The following TAOK1 variants were observed in gnomAD, a reference collection of about 807,000 sequenced individuals.
TAOK1 encodes serine/threonine-protein kinase TAO1.
In TAOK1, 21 loss-of-function variants were observed where a neutral mutation model predicts 138.3. That is an observed-to-expected ratio of 0.15 (90% CI 0.11 to 0.22). The LOEUF is 0.22. Among genes scored for constraint, TAOK1 ranks in the 10% least tolerant of loss-of-function variants. TAOK1 has a pLI of 1.00. For missense variants in TAOK1, 651 were observed against 1,227.7 expected, an observed-to-expected ratio of 0.53 and a Z score of 7.02; for synonymous variants, 361 against 398.4, an observed-to-expected ratio of 0.91 and a Z score of 1.12.
chr17:29,535,563 A>G lies in TAOK1; in HGVS notation c.2544+1263A>G, dbSNP rs2032207484. 2.6e-5 allele frequency among the ~76,000 whole-genome samples: 4 copies of G among 152,208 alleles called. No homozygotes were observed. In the South Asian group the frequency reaches 8.3e-4, roughly 32 times the overall value. On this transcript the variant is annotated intron_variant, in intron 19 of 19. Transcript: ENST00000261716. The stretch of plus-strand genomic sequence containing the variant: ...ATAGAATGCCTTATTAAAGTAAAAA[A>G]TATCTTTTAAACCAGGTGTTGTGGC...
chr17:29,533,200 A>C (rs2032158957), intron 18 of TAOK1, among the ~76,000 whole-genome samples: 1 of 139,920 alleles, frequency 7.1e-6, no homozygotes, highest in Non-Finnish European at 1.5e-5. Flanking sequence ...CACATCCCAG[A>C]TGGGGTGGCG....
intron 13 of TAOK1, among the ~76,000 whole-genome samples, chr17:29,506,029 T>C (rs980729578): frequency 6.6e-6 from 1 of 152,170 alleles, no homozygotes; most frequent in Non-Finnish European, 1.5e-5. Flanking sequence ...CCTAAATTAG[T>C]ATGGCCATTT....
intron 17 of TAOK1, among the ~76,000 whole-genome samples, chr17:29,527,503 G>C (rs1469176524): frequency 6.6e-6 from 1 of 152,052 alleles, no homozygotes; most frequent in Non-Finnish European, 1.5e-5. Context: ...GCTAAACTAA[G>C]AGTTTCTCTT....
rs2030976929 is a variant in TAOK1, at chr17:29,477,702, A to G, written c.348A>G (p.Leu116=). 1 of 1,410,320 alleles carries G rather than the reference A, an allele frequency of 7.1e-7. No homozygotes were observed. Among genetic ancestry groups the G allele is most frequent in the African/African-American group, 1.5e-5 (1 of 68,784 alleles). The allele number at this position is 1,410,320 out of a possible 1,614,324, so 87.4% of individuals were successfully genotyped here. Residue 116 remains leucine, a synonymous_variant, in exon 5 of 20, where the codon CTA becomes CTG. Coordinates refer to ENST00000261716, the MANE Select transcript of TAOK1 (RefSeq NM_020791.4). ...GTTTAGGATCTGCTTCGGATTTACT[A>G]GAAGGTAAGTTCCCTTTGATTATTT... is the stretch of plus-strand genomic sequence containing the variant. ...EYCLGSASDL[L]EVHKKPLQEV... is the part of the protein sequence containing the mutation.
chr17:29,542,613 G>A lies in TAOK1; in HGVS notation c.2597G>A (p.Ser866Asn), dbSNP rs1228585720. 1.7e-5 allele frequency: 27 copies of A among 1,614,188 alleles called. No individual in the cohort carries two copies. Among genetic ancestry groups the A allele is most frequent in the Non-Finnish European group, 2.1e-5 (25 of 1,180,016 alleles). ...AATGAGCGCACAGAACGAATACGAA[G>A]CCTGTTGGAACGTCAAGCCAGAGAG... ...LQNERTERIR[S>N]LLERQAREIE... The change falls in exon 20 of 20, where the codon AGC (serine) becomes AAC (asparagine). Residue 866 changes from serine to asparagine, a missense_variant. Ser to Asn is a conservative substitution (Grantham distance 46). Coordinates refer to ENST00000261716, the MANE Select transcript of TAOK1 (RefSeq NM_020791.4).
At chr17:29,539,856 G>T (rs142216432) in intron 19 of TAOK1, among the ~76,000 whole-genome samples, 1 of 152,078 alleles carries the variant, frequency 6.6e-6, no homozygotes, top group Non-Finnish European at 1.5e-5. Context: ...CTCCAGCCTG[G>T]GTGACAGAGC....
At chr17:29,394,392 C>T (rs1337757217) in intron 1 of TAOK1, among the ~76,000 whole-genome samples, 1 of 151,876 alleles carries the variant, frequency 6.6e-6, no homozygotes, top group Non-Finnish European at 1.5e-5. Context: ...GTCTCGATCT[C>T]CTGACCTTGT....
intron 3 of TAOK1, among the ~76,000 whole-genome samples, chr17:29,469,921 C>T (rs533801248): frequency 1.3e-5 from 2 of 152,214 alleles, no homozygotes; most frequent in East Asian, 3.9e-4. Context: ...CCACATTTTA[C>T]ACAAAACACC....
At chr17:29,462,830 CTA>C (rs2030560799) in intron 2 of TAOK1, among the ~76,000 whole-genome samples, 1 of 152,158 alleles carries the variant, frequency 6.6e-6, no homozygotes, top group Non-Finnish European at 1.5e-5. Flanking sequence ...CTCTCTCTGA[CTA>C]TTTCTGTTCC....
chr17:29,425,193 C>T lies in TAOK1; in HGVS notation c.-94-26262C>T, dbSNP rs186209170. ...CAAGGGATTCTCCTGCCTCAGCTTTCCCAGTAGCTGGGATTACAGACACAC... is the reference window on the plus strand; with the variant it reads ...CAAGGGATTCTCCTGCCTCAGCTTTTCCAGTAGCTGGGATTACAGACACAC... On this transcript the variant is annotated intron_variant, in intron 1 of 19. Transcript: ENST00000261716. 5.0e-4 allele frequency among the ~76,000 whole-genome samples: 76 copies of T among 152,298 alleles called. 1 individual carries two copies. In the East Asian group the frequency reaches 0.015, roughly 29 times the overall value.
rs539077642 is a variant in TAOK1, at chr17:29,490,862, A to C, written c.750-922A>C. On this transcript the variant is annotated intron_variant, in intron 9 of 19. Transcript: ENST00000261716. ...AACTCTGCATCCTTTGGAGGGGAGAAACATTGTGTCCTCACATGGCAGAGA... is the reference window on the plus strand; with the variant it reads ...AACTCTGCATCCTTTGGAGGGGAGACACATTGTGTCCTCACATGGCAGAGA... Among the ~76,000 whole-genome samples the C allele has an allele frequency of 2.6e-5, 4 of 152,330 alleles. No homozygotes were observed. The South Asian group carries it at 8.3e-4, about 32-fold the overall frequency.
intron 1 of TAOK1, among the ~76,000 whole-genome samples, chr17:29,401,620 G>C (rs1303951644): frequency 1.3e-5 from 2 of 151,860 alleles, no homozygotes; most frequent in Non-Finnish European, 2.9e-5. Context: ...TGAGATTTGG[G>C]TAGGGACACA....
At chr17:29,525,449 T>A (rs1440757022) in intron 17 of TAOK1, among the ~76,000 whole-genome samples, 1 of 145,202 alleles carries the variant, frequency 6.9e-6, no homozygotes. Context: ...TCTTGTCGCC[T>A]AGGCTGGAGT....
intron 3 of TAOK1, among the ~76,000 whole-genome samples, chr17:29,472,957 A>G (rs1282638100): frequency 2.0e-5 from 3 of 152,250 alleles, no homozygotes; most frequent in African/African-American, 7.2e-5. Context: ...TATTAGCAGG[A>G]ATAAAAACAA....
At chr17:29,480,655 G>C (rs1046533239) in intron 7 of TAOK1, among the ~76,000 whole-genome samples, 174 bp downstream of exon 7, 2 of 151,970 alleles carry the variant, frequency 1.3e-5, no homozygotes, top group Non-Finnish European at 2.9e-5. Context: ...GATCACTTGA[G>C]GTCAGGAGTT....
chr17:29,432,409 C>T (rs991698472), intron 1 of TAOK1, among the ~76,000 whole-genome samples: 3 of 152,210 alleles, frequency 2.0e-5, no homozygotes, highest in Non-Finnish European at 4.4e-5. Context: ...CCACAACCTT[C>T]GGCGTGGGCA....
At chr17:29,434,295 A>G (rs1228836560) in intron 1 of TAOK1, among the ~76,000 whole-genome samples, 1 of 152,142 alleles carries the variant, frequency 6.6e-6, no homozygotes, top group East Asian at 1.9e-4. Context: ...GTACAGAAAC[A>G]CAATTATCTA....
chr17:29,472,253 T>G (rs1158809715), intron 3 of TAOK1, among the ~76,000 whole-genome samples: 1 of 102,936 alleles, frequency 9.7e-6, no homozygotes, highest in South Asian at 3.6e-4. Context: ...ATAGCCGTTG[T>G]GTGTTTTTTT....
chr17:29,545,154 A>G lies in TAOK1; in HGVS notation c.*2132A>G. The G allele has an allele frequency of 6.6e-6, 1 of 152,226 alleles. No individual in the cohort carries two copies. The highest frequency in any genetic ancestry group is 1.9e-4 in the East Asian group (1 of 5,206). 9.4% of individuals were successfully genotyped at this position (152,226 alleles called of 1,614,324 possible). ...CCCATGCTCCAGGTCACCGGTTTTT[A>G]GGTAAACATGACATGACATGTACTT... On this transcript the variant is annotated 3_prime_UTR_variant, in exon 20 of 20. Coordinates refer to ENST00000261716, the MANE Select transcript of TAOK1 (RefSeq NM_020791.4).
Sources: allele counts gnomAD v4.1 joint callset (sites outside exome capture counted in the v4.1 genomes callset), GRCh38; gene constraint gnomAD v4.1.1; transcripts MANE v1.5; gene names NCBI Gene and HGNC (gene_info 2026-07-23, HGNC 2026-07-21).